Variants in RBFOX1 observed in about 807,000 individuals in gnomAD.
The protein encoded by RBFOX1 is RNA binding protein fox-1 homolog 1.
Under a neutral mutation model 57.7 loss-of-function variants are expected in RBFOX1, and 8 were observed. The ratio of observed to expected loss-of-function variants is 0.14; its 90% confidence interval spans 0.08 to 0.25. The LOEUF is 0.25. Ranked by LOEUF, RBFOX1 falls within the 10% of genes least tolerant of loss-of-function variation. RBFOX1 has a pLI of 1.00. For synonymous variants in RBFOX1, 326 were observed against 222.4 expected (o/e 1.47, Z -4.15); for missense variants, 611 against 548.5 (o/e 1.11, Z -1.14).
intron 3 of RBFOX1, among the ~76,000 whole-genome samples, chr16:6,965,358 TG>T (rs2083904389): frequency 6.8e-6 from 1 of 147,530 alleles, no homozygotes; most frequent in East Asian, 2.0e-4. Flanking sequence ...TGTGTGTGTG[TG>T]TATGATGGAG....
intron 5 of RBFOX1, among the ~76,000 whole-genome samples, chr16:7,554,421 A>G (rs781139851): frequency 3.3e-5 from 5 of 152,166 alleles, no homozygotes; most frequent in Non-Finnish European, 7.3e-5. Context: ...CAGTTAACAT[A>G]CTCAAGGTTG....
Position 6,257,212 on chromosome 16 carries a change from A to G in RBFOX1, c.-126-59783A>G, listed in dbSNP as rs2097673462. The stretch of plus-strand genomic sequence containing the variant: ...GGTTTGCTGCACCTATGAACCCCTC[A>G]CCTAGGTATTAAGCCCTGCATGTGC... On this transcript the variant is annotated intron_variant, in intron 1 of 15. Transcript: ENST00000550418. Among the ~76,000 whole-genome samples the G allele has an allele frequency of 2.0e-5, 3 of 152,096 alleles. 1 individual carries two copies. In the South Asian group the frequency reaches 6.2e-4, roughly 32 times the overall value.
intron 3 of RBFOX1, among the ~76,000 whole-genome samples, chr16:6,921,950 C>G (rs1414485294): frequency 6.6e-6 from 1 of 152,108 alleles, no homozygotes; most frequent in Non-Finnish European, 1.5e-5. Context: ...AGCTTCTGCA[C>G]ACCACTGAAA....
rs544620538 is a variant in RBFOX1, at chr16:6,440,248, G to A, written c.-64+123191G>A. Among the ~76,000 whole-genome samples the A allele has an allele frequency of 2.0e-4, 31 of 152,162 alleles. 1 individual carries two copies. The highest frequency in any genetic ancestry group is 1.5e-3 in the South Asian group (7 of 4,816). On this transcript the variant is annotated intron_variant, in intron 2 of 15. Transcript: ENST00000550418. Reference sequence around the variant, plus strand: ...TAGGTGGCCATTTCTAAATATACATGTATTGATGAGTAAGCAGAGAAAGGT... The same window carrying A: ...TAGGTGGCCATTTCTAAATATACATATATTGATGAGTAAGCAGAGAAAGGT...
intron 4 of RBFOX1, among the ~76,000 whole-genome samples, chr16:6,010,275 T>C (rs2094953765): frequency 6.6e-6 from 1 of 152,042 alleles, no homozygotes; most frequent in Non-Finnish European, 1.5e-5. Context: ...ACACCTCCCC[T>C]CCCCAGGATA....
chr16:6,146,965 C>A (rs962427380), intron 1 of RBFOX1, among the ~76,000 whole-genome samples: 1 of 152,046 alleles, frequency 6.6e-6, no homozygotes, highest in Admixed American at 6.6e-5. Context: ...TCCTTAGCTC[C>A]TCCTCCTCCC....
At chr16:7,669,348 A>G (rs1307245786) in intron 13 of RBFOX1, among the ~76,000 whole-genome samples, 2 of 152,210 alleles carry the variant, frequency 1.3e-5, no homozygotes, top group African/African-American at 4.8e-5. Context: ...AACTATTAAT[A>G]TTACAAATGA....
intron 2 of RBFOX1, among the ~76,000 whole-genome samples, chr16:6,377,384 C>G (rs1253021134): frequency 6.6e-6 from 1 of 152,140 alleles, no homozygotes; most frequent in African/African-American, 2.4e-5. Flanking sequence ...GACCCTATTT[C>G]CAAATAAGCC....
At chr16:5,479,626 G>A (rs1259200859) in intron 2 of RBFOX1, among the ~76,000 whole-genome samples, 8 of 142,898 alleles carry the variant, frequency 5.6e-5, no homozygotes, top group African/African-American at 2.1e-4. Context: ...GCGTGTGGTG[G>A]TGCACGCCTG....
At chr16:7,341,685 A>G (rs530180193) in intron 4 of RBFOX1, among the ~76,000 whole-genome samples, 5 of 150,674 alleles carry the variant, frequency 3.3e-5, no homozygotes, top group Non-Finnish European at 7.4e-5. Flanking sequence ...TCAGAGAACA[A>G]TGGTCCTACC....
In RBFOX1 at chr16:6,987,456, GACACACACACAC is replaced by G. The variant is rs199503873; in HGVS notation, c.-15-64563_-15-64552del. Among the ~76,000 whole-genome samples, 249 of 135,518 alleles carry G rather than the reference GACACACACACAC, an allele frequency of 1.8e-3. 1 individual carries two copies. The highest frequency in any genetic ancestry group is 6.1e-3 in the East Asian group (28 of 4,626). The allele number at this position is 135,518 out of a possible 152,430, so 88.9% of individuals were successfully genotyped here. ...CAGGACAGCAACAGAAAACTTTTCA[GACACACACACAC>G]ACACACACACACACACACACACACA... On this transcript the variant is annotated intron_variant, in intron 3 of 15. Transcript: ENST00000550418.
intron 4 of RBFOX1, among the ~76,000 whole-genome samples, chr16:7,381,343 T>G (rs2147956771): frequency 6.6e-6 from 1 of 152,326 alleles, no homozygotes; most frequent in African/African-American, 2.4e-5. Flanking sequence ...TGGGAAAAGG[T>G]ATAGTACTAT....
chr16:6,192,697 T>G (rs113842819), intron 1 of RBFOX1, among the ~76,000 whole-genome samples: 5 of 152,326 alleles, frequency 3.3e-5, no homozygotes, highest in African/African-American at 1.2e-4. Context: ...TGTGTCTGTT[T>G]GGTTATCTAT....
chr16:6,165,551 G>C (rs2096910930), intron 1 of RBFOX1, among the ~76,000 whole-genome samples: 2 of 152,134 alleles, frequency 1.3e-5, no homozygotes, highest in South Asian at 4.1e-4. Context: ...CATTCATTTT[G>C]AGTTAGAATT....
chr16:5,590,847 AC>A (rs1182651824), intron 2 of RBFOX1, among the ~76,000 whole-genome samples: 1 of 152,124 alleles, frequency 6.6e-6, no homozygotes, highest in Non-Finnish European at 1.5e-5. Context: ...AGTACTGCCT[AC>A]CCTGGGAACA....
chr16:7,080,040 A>G (rs1470150378), intron 4 of RBFOX1, among the ~76,000 whole-genome samples: 1 of 73,944 alleles, frequency 1.4e-5, no homozygotes, highest in South Asian at 8.5e-4. Flanking sequence ...ATGTATATAG[A>G]TGTATATATA....
Position 7,347,877 on chromosome 16 carries a change from G to A in RBFOX1, c.28-170270G>A, listed in dbSNP as rs149448874. On this transcript the variant is annotated intron_variant, in intron 4 of 15. Coordinates refer to ENST00000550418, the MANE Select transcript of RBFOX1 (RefSeq NM_018723.4). Reference sequence around the variant, plus strand: ...AGCTGTTAGCCATTCCGAGACAGGCGTCTTGCAGGGTGTATTGATAGCCTT... The same window carrying A: ...AGCTGTTAGCCATTCCGAGACAGGCATCTTGCAGGGTGTATTGATAGCCTT... Among the ~76,000 whole-genome samples the A allele has an allele frequency of 8.5e-5, 13 of 152,228 alleles. No individual in the cohort carries two copies. In the East Asian group the frequency reaches 1.2e-3, roughly 14 times the overall value.
chr16:5,784,727 G>A (rs192468501), intron 3 of RBFOX1, among the ~76,000 whole-genome samples: 2 of 152,108 alleles, frequency 1.3e-5, no homozygotes, highest in African/African-American at 2.4e-5. Flanking sequence ...CATGAGCATG[G>A]TGTCCTTATG....
chr16:6,129,574 A>G (rs543163489), intron 1 of RBFOX1, among the ~76,000 whole-genome samples: 1 of 152,216 alleles, frequency 6.6e-6, no homozygotes, highest in African/African-American at 2.4e-5. Context: ...GCATAGAGGT[A>G]GGGAGGAGAG....
Sources: allele counts gnomAD v4.1 joint callset (sites outside exome capture counted in the v4.1 genomes callset), GRCh38; gene constraint gnomAD v4.1.1; transcripts MANE v1.5; gene names NCBI Gene and HGNC (gene_info 2026-07-23, HGNC 2026-07-21).